Variants in FER1L6 observed in about 807,000 individuals in gnomAD.
FER1L6 encodes fer-1-like protein 6.
FER1L6 carries 177 observed loss-of-function variants against 219.2 expected under a neutral mutation model. The observed-to-expected ratio is 0.81, with a 90% CI of 0.71 to 0.91. The LOEUF is 0.91. FER1L6 is among the 40% of genes least tolerant of loss of function. The probability of loss-of-function intolerance (pLI) is 0.00; values close to 1 mark genes in which losing one functional copy is unlikely to be tolerated. For missense variants in FER1L6, 2,153 were observed against 2,259.9 expected, an observed-to-expected ratio of 0.95 and a Z score of 0.96; for synonymous variants, 768 against 824.3, an observed-to-expected ratio of 0.93 and a Z score of 1.17.
chr8:123,972,108 T>C (rs1276925578), intron 6 of FER1L6, among the ~76,000 whole-genome samples: 1 of 152,152 alleles, frequency 6.6e-6, no homozygotes, highest in African/African-American at 2.4e-5. Context: ...GATTTTGGAG[T>C]GAACATTATG....
At position 124,049,696 on chromosome 8, in the gene FER1L6, C is replaced by A. The variant is rs768691892; in HGVS notation, c.2814C>A (p.His938Gln). Reference protein sequence around the residue: ...QDYEPPRLCYHPIFCGNLSGG... With the variant: ...QDYEPPRLCYQPIFCGNLSGG... ...ATGAGCCCCCCAGGTTATGCTATCA[C>A]CCCATCTTTTGTGGGAATCTCTCTG... Residue 938 changes from histidine to glutamine, a missense_variant, in exon 22 of 41, where the codon CAC becomes CAA. Physicochemically the swap from His to Gln is conservative, Grantham distance 24. Transcript: ENST00000522917. 6.2e-6 allele frequency: 10 copies of A among 1,614,046 alleles called. No homozygotes were observed. Among genetic ancestry groups the A allele is most frequent in the Non-Finnish European group, 8.5e-6 (10 of 1,179,962 alleles).
intron 1 of FER1L6, among the ~76,000 whole-genome samples, chr8:123,908,181 T>G (rs13273203): frequency 0.62 from 93,795 of 151,998 alleles, 28,976 homozygotes; most frequent in South Asian, 0.75. Flanking sequence ...TTGCATGAAA[T>G]AACAATAGGT....
chr8:123,941,239 C>T (rs910549452), intron 1 of FER1L6, among the ~76,000 whole-genome samples: 3 of 152,096 alleles, frequency 2.0e-5, no homozygotes, highest in Non-Finnish European at 2.9e-5. Flanking sequence ...GCTCTGGGAA[C>T]CTGGAGAGCT....
At chr8:123,968,409 A>G (rs540982315) in intron 5 of FER1L6, among the ~76,000 whole-genome samples, 1 of 152,162 alleles carries the variant, frequency 6.6e-6, no homozygotes, top group African/African-American at 2.4e-5. Flanking sequence ...GAAGGAACCC[A>G]TTAGTTGGAG....
intron 12 of FER1L6, among the ~76,000 whole-genome samples, chr8:123,997,317 T>G (rs773821199): frequency 1.5e-4 from 23 of 152,140 alleles, no homozygotes; most frequent in African/African-American, 5.1e-4. Context: ...TGTTATTGTT[T>G]AGCACTTTGA....
chr8:123,970,196 A>G, intron 6 of FER1L6, 99 bp downstream of exon 6: 6 of 1,071,622 alleles, frequency 5.6e-6, no homozygotes, highest in Non-Finnish European at 7.3e-6. Flanking sequence ...CGGGGAATAG[A>G]TTCAGGAGGG....
chr8:124,064,547 G>T lies in FER1L6; in HGVS notation c.3529G>T (p.Glu1177Ter), dbSNP rs373998218. Residue 1177 changes from glutamate to a stop codon, truncating the protein, a stop_gained, in exon 26 of 41, where the codon GAG (glutamate) becomes TAG (stop). Coordinates refer to ENST00000522917, the MANE Select transcript of FER1L6 (RefSeq NM_001039112.2). LOFTEE classifies it high-confidence loss of function. The part of the protein sequence containing the change: ...LEPEHTPVAQ[E>*]PPKDGKPKDP... ...GCCTGAACACACACCTGTAGCCCAG[G>T]AGCCACCAAAAGATGGAAAACCTAA... is the stretch of plus-strand genomic sequence containing the variant. 6.2e-7 allele frequency: 1 copy of T among 1,609,948 alleles called. No individual in the cohort carries two copies. The highest frequency in any genetic ancestry group is 8.5e-7 in the Non-Finnish European group (1 of 1,179,044).
In FER1L6 at chr8:124,097,286, T is replaced by C; in HGVS notation, c.4711T>C (p.Trp1571Arg). The C allele has an allele frequency of 1.9e-6, 3 of 1,613,222 alleles. No individual in the cohort carries two copies. The South Asian group carries it at 3.3e-5, about 18-fold the overall frequency. ...TCTTAACAAGGGCCGCCTGCAGATG[T>C]GGGTGGACATGTTTCCCAAGGATAT... ...PGMEQGRLQM[W>R]VDMFPKDMPQ... The change falls in exon 36 of 41, where the codon TGG becomes CGG. Residue 1571 changes from tryptophan (W) to arginine (R), a missense_variant. Transcript: ENST00000522917.
At chr8:123,989,513 C>A (rs763485017) in intron 12 of FER1L6, among the ~76,000 whole-genome samples, 6 of 152,140 alleles carry the variant, frequency 3.9e-5, no homozygotes, top group Non-Finnish European at 8.8e-5. Flanking sequence ...ACCTGTCACC[C>A]AAGCAGTGTA....
chr8:123,980,712 A>G lies in FER1L6; in HGVS notation c.1311A>G (p.Lys437=). ...AAGACTCCAAATCTTCCAAAGGTAAAGACAAGGCTGACAAAACTGAAGATG... is the reference window on the plus strand; with the variant it reads ...AAGACTCCAAATCTTCCAAAGGTAAGGACAAGGCTGACAAAACTGAAGATG... The part of the protein sequence containing the change: ...KDKDSKSSKG[K]DKADKTEDGK... Residue 437 remains lysine (K), a synonymous_variant, in exon 11 of 41, where the codon AAA becomes AAG. Coordinates refer to ENST00000522917, the MANE Select transcript of FER1L6 (RefSeq NM_001039112.2). 6.2e-7 allele frequency: 1 copy of G among 1,614,178 alleles called. No individual in the cohort carries two copies. Among genetic ancestry groups the G allele is most frequent in the East Asian group, 2.2e-5 (1 of 44,884 alleles).
rs779639871 is a variant in FER1L6 at position 123,976,029 on chromosome 8, G to A, written c.815G>A (p.Gly272Asp). 2 of 1,614,106 alleles carry A rather than the reference G, an allele frequency of 1.2e-6. No individual in the cohort carries two copies. The highest frequency in any genetic ancestry group is 8.5e-7 in the Non-Finnish European group (1 of 1,179,976). Residue 272 changes from glycine (G) to aspartate (D), a missense_variant, in exon 9 of 41, where the codon GGT (glycine) becomes GAT (aspartate). Transcript: ENST00000522917. ...IMANVTKAFV[G>D]DSKDLVDPFV... is the part of the protein sequence containing the mutation. Reference sequence around the variant, plus strand: ...GCGAACGTCACCAAGGCATTTGTGGGTGACAGTAAGGACCTGGTGGATCCC... The same window carrying A: ...GCGAACGTCACCAAGGCATTTGTGGATGACAGTAAGGACCTGGTGGATCCC...
chr8:123,999,521 G>T (rs903592490), intron 12 of FER1L6, among the ~76,000 whole-genome samples: 1 of 152,164 alleles, frequency 6.6e-6, no homozygotes, highest in Non-Finnish European at 1.5e-5. Context: ...AAATTAGCCA[G>T]GTGTGGTGGC....
chr8:124,061,373 T>C (rs1001647329), intron 24 of FER1L6, among the ~76,000 whole-genome samples: 24 of 152,206 alleles, frequency 1.6e-4, no homozygotes, highest in Non-Finnish European at 2.9e-4. Flanking sequence ...AAGCCTACAA[T>C]GGAAGAATGT....
At chr8:124,079,231 T>C (rs1318401825) in intron 32 of FER1L6, among the ~76,000 whole-genome samples, 2 of 152,192 alleles carry the variant, frequency 1.3e-5, no homozygotes, top group African/African-American at 4.8e-5. Context: ...TTTACCTCTA[T>C]TAAGACCTCA....
At chr8:124,045,007 GAA>G (rs1162166269) in intron 20 of FER1L6, among the ~76,000 whole-genome samples, 1 of 152,232 alleles carries the variant, frequency 6.6e-6, no homozygotes, top group African/African-American at 2.4e-5. Flanking sequence ...ATCAGTGTAA[GAA>G]AGTTGTCATG....
intron 39 of FER1L6, among the ~76,000 whole-genome samples, chr8:124,117,512 A>G (rs758079682): frequency 6.6e-6 from 1 of 152,276 alleles, no homozygotes; most frequent in Non-Finnish European, 1.5e-5. Context: ...CTACATATAT[A>G]CATGTTTTCA....
chr8:123,921,863 G>GA, intron 1 of FER1L6, among the ~76,000 whole-genome samples: 1 of 152,174 alleles, frequency 6.6e-6, no homozygotes, highest in South Asian at 2.1e-4. Flanking sequence ...TGAGAGACTT[G>GA]AAAGGTGTTT....
chr8:124,103,203 G>A lies in FER1L6; in HGVS notation c.5183G>A (p.Cys1728Tyr), dbSNP rs75319208. The A allele has an allele frequency of 6.2e-4, 1,007 of 1,614,156 alleles. 9 individuals carry two copies. In the East Asian group the frequency reaches 0.02, roughly 32 times the overall value. The change falls in exon 39 of 41, where the codon TGT becomes TAT. Residue 1728 changes from cysteine (C) to tyrosine (Y), a missense_variant. Coordinates refer to ENST00000522917, the MANE Select transcript of FER1L6 (RefSeq NM_001039112.2). ...FPRAAKSAKA[C>Y]DLAKFENASE... The stretch of plus-strand genomic sequence containing the variant: ...CGAGCAGCTAAGTCTGCCAAAGCCT[G>A]TGATCTTGCCAAGTTTGAAAATGCA...
chr8:123,936,177 C>T (rs1813993292), intron 1 of FER1L6, among the ~76,000 whole-genome samples: 1 of 152,106 alleles, frequency 6.6e-6, no homozygotes, highest in Non-Finnish European at 1.5e-5. Context: ...TGCCAACAGC[C>T]TAAGTGAACG....
Sources: allele counts gnomAD v4.1 joint callset (sites outside exome capture counted in the v4.1 genomes callset), GRCh38; gene constraint gnomAD v4.1.1; transcripts MANE v1.5; gene names NCBI Gene and HGNC (gene_info 2026-07-23, HGNC 2026-07-21).